PEAK1: variants seen among roughly 807,000 people sequenced by gnomAD.
PEAK1 encodes the protein inactive tyrosine-protein kinase PEAK1.
A neutral mutation model predicts 124.7 loss-of-function variants in PEAK1; 54 were observed. That is an observed-to-expected ratio of 0.43 (90% CI 0.35 to 0.54). The LOEUF (loss-of-function observed/expected upper bound fraction) is 0.54. Ranked by LOEUF, PEAK1 falls within the 20% of genes least tolerant of loss-of-function variation. The pLI is 0.01. For missense variants in PEAK1, 2,046 were observed against 2,134.5 expected, an observed-to-expected ratio of 0.96 and a Z score of 0.82; for synonymous variants, 719 against 760.0, an observed-to-expected ratio of 0.95 and a Z score of 0.89.
At chr15:77,397,821 A>G (rs1383867682) in intron 1 of PEAK1, among the ~76,000 whole-genome samples, 1 of 152,164 alleles carries the variant, frequency 6.6e-6, no homozygotes, top group Non-Finnish European at 1.5e-5. Flanking sequence ...GCACCTTGGG[A>G]GGCCAAGGTG....
intron 1 of PEAK1, chr15:77,402,467 C>A: frequency 1.0e-6 from 1 of 982,360 alleles, no homozygotes; most frequent in Non-Finnish European, 1.2e-6. Flanking sequence ...AGTAATGTGC[C>A]ATATTTTCTC....
chr15:77,326,292 T>C (rs1377375416), intron 2 of PEAK1, among the ~76,000 whole-genome samples: 2 of 152,296 alleles, frequency 1.3e-5, no homozygotes, highest in African/African-American at 4.8e-5. Flanking sequence ...CAATAAACAC[T>C]TTCAACTACT....
chr15:77,241,549 T>A (rs2060357140), intron 6 of PEAK1, among the ~76,000 whole-genome samples: 1 of 152,108 alleles, frequency 6.6e-6, no homozygotes, highest in Non-Finnish European at 1.5e-5. Flanking sequence ...TATTTGCATA[T>A]GACATGACTA....
At chr15:77,371,328 C>T (rs1295574972) in intron 1 of PEAK1, 1 of 915,140 alleles carries the variant, frequency 1.1e-6, no homozygotes, top group Non-Finnish European at 1.3e-6. Context: ...ATATTCCTTC[C>T]TTTAATTATG....
At chr15:77,240,691 C>A (rs533425416) in intron 6 of PEAK1, among the ~76,000 whole-genome samples, 3 of 152,112 alleles carry the variant, frequency 2.0e-5, no homozygotes, top group African/African-American at 7.2e-5. Context: ...AGTAAATCTA[C>A]GGGTGTAATC....
intron 9 of PEAK1, among the ~76,000 whole-genome samples, chr15:77,125,832 A>G (rs1241704745): frequency 6.6e-6 from 1 of 152,234 alleles, no homozygotes; most frequent in African/African-American, 2.4e-5. Context: ...ATTTTTAATG[A>G]GGATCCCTCA....
At chr15:77,381,919 T>C (rs1210846902) in intron 1 of PEAK1, among the ~76,000 whole-genome samples, 2 of 152,194 alleles carry the variant, frequency 1.3e-5, no homozygotes, top group Admixed American at 6.5e-5. Flanking sequence ...TTGCCAAAAT[T>C]TGGAATAAAA....
At chr15:77,395,270 A>C (rs1025997928) in intron 1 of PEAK1, among the ~76,000 whole-genome samples, 1 of 152,210 alleles carries the variant, frequency 6.6e-6, no homozygotes, top group Non-Finnish European at 1.5e-5. Flanking sequence ...AAAGAAAAAA[A>C]GAATGAAAGA....
chr15:77,143,339 T>C (rs1368361312), intron 8 of PEAK1, among the ~76,000 whole-genome samples: 1 of 152,188 alleles, frequency 6.6e-6, no homozygotes, highest in African/African-American at 2.4e-5. Context: ...GCCTGACAAC[T>C]GTGACAGTCT....
At chr15:77,209,273 A>T (rs1448459030) in intron 6 of PEAK1, among the ~76,000 whole-genome samples, 1 of 152,220 alleles carries the variant, frequency 6.6e-6, no homozygotes, top group African/African-American at 2.4e-5. Flanking sequence ...TATTGAGTCT[A>T]AACACTAGCA....
chr15:77,170,089 G>T (rs573503702), intron 7 of PEAK1, among the ~76,000 whole-genome samples: 14 of 152,226 alleles, frequency 9.2e-5, no homozygotes, highest in African/African-American at 3.4e-4. Flanking sequence ...AGGGTTTAAA[G>T]AACCCCTTTT....
intron 6 of PEAK1, among the ~76,000 whole-genome samples, chr15:77,184,521 G>T (rs2057439627): frequency 6.6e-6 from 1 of 152,130 alleles, no homozygotes; most frequent in South Asian, 2.1e-4. Context: ...AATACACAAA[G>T]GTTTACAGCC....
intron 6 of PEAK1, among the ~76,000 whole-genome samples, chr15:77,213,178 A>G (rs1048862897): frequency 6.6e-6 from 1 of 152,218 alleles, no homozygotes; most frequent in Non-Finnish European, 1.5e-5. Context: ...AAAAGGAAAT[A>G]GAAAAAGACA....
chr15:77,291,444 A>C (rs1418558090), intron 2 of PEAK1, among the ~76,000 whole-genome samples: 1 of 152,196 alleles, frequency 6.6e-6, no homozygotes, highest in Admixed American at 6.5e-5. Context: ...ATAATGTTAC[A>C]AGCTTGCTAA....
intron 8 of PEAK1, among the ~76,000 whole-genome samples, chr15:77,149,755 T>C (rs1037463770): frequency 7.0e-6 from 1 of 143,336 alleles, no homozygotes; most frequent in African/African-American, 2.5e-5. Context: ...TTGGCATCAC[T>C]TTTTTTTTTT....
intron 2 of PEAK1, among the ~76,000 whole-genome samples, chr15:77,318,866 C>T (rs1400143369): frequency 6.6e-6 from 1 of 152,080 alleles, no homozygotes; most frequent in African/African-American, 2.4e-5. Context: ...TAATTCTGAA[C>T]AGGTGCTTCA....
At chr15:77,306,436 T>C (rs1373248963) in intron 2 of PEAK1, among the ~76,000 whole-genome samples, 1 of 152,184 alleles carries the variant, frequency 6.6e-6, no homozygotes, top group Non-Finnish European at 1.5e-5. Flanking sequence ...ATAAGGCAAC[T>C]AGAAAAAGGC....
chr15:77,137,167 T>C (rs1469354560), intron 8 of PEAK1, among the ~76,000 whole-genome samples: 1 of 152,216 alleles, frequency 6.6e-6, no homozygotes, highest in Non-Finnish European at 1.5e-5. Flanking sequence ...AACACCTGGA[T>C]GCTGAGGCAG....
At chr15:77,312,273 T>C (rs1278176341) in intron 2 of PEAK1, among the ~76,000 whole-genome samples, 1 of 152,156 alleles carries the variant, frequency 6.6e-6, no homozygotes, top group Non-Finnish European at 1.5e-5. Context: ...AAGTGACACA[T>C]ATTACTATAT....
Sources: gnomAD v4.1 joint callset for allele counts (sites outside exome capture counted in the v4.1 genomes callset) on GRCh38, gnomAD v4.1.1 for gene constraint, MANE v1.5 for transcripts, NCBI Gene and HGNC (gene_info 2026-07-23, HGNC 2026-07-21) for gene names.